SEC14L2: variants seen among roughly 807,000 people sequenced by gnomAD.
SEC14L2 encodes SEC14-like protein 2.
Under a neutral mutation model 56.9 loss-of-function variants are expected in SEC14L2, and 50 were observed. The ratio of observed to expected loss-of-function variants is 0.88; its 90% confidence interval spans 0.70 to 1.11. SEC14L2 has a LOEUF of 1.11. Among genes scored for constraint, SEC14L2 ranks in the 50% most tolerant of loss-of-function variants. SEC14L2 has a pLI of 0.00. For missense variants in SEC14L2, 414 were observed against 500.7 expected (o/e 0.83, Z 1.65); for synonymous variants, 179 against 188.5 (o/e 0.95, Z 0.41).
chr22:30,409,756 T>TG lies in SEC14L2; in HGVS notation c.580+273dup, dbSNP rs1200243765. On this transcript the variant is annotated intron_variant, in intron 7 of 11. Transcript: ENST00000615189. ...CTATAAAAAAGTTAAGGAAATGAGC[T>TG]GGGTATGGTGGTGCATGCCTGTAGT... 2.0e-5 allele frequency among the ~76,000 whole-genome samples: 3 copies of TG among 151,934 alleles called. No individual in the cohort carries two copies. In the East Asian group the frequency reaches 5.8e-4, roughly 29 times the overall value.
In SEC14L2 at chr22:30,416,020, G is replaced by A. The variant is rs985161576; in HGVS notation, c.844G>A (p.Val282Met). ...GGTGAAACAGCAGTATGAACACAGC[G>A]TGCAGATTTCCCGTGGCTCCTCCCA... ...DQVKQQYEHS[V>M]QISRGSSHQV... The change falls in exon 10 of 12, where the codon GTG becomes ATG. Residue 282 changes from valine (V) to methionine (M), a missense_variant. Transcript: ENST00000615189. 1.2e-5 allele frequency: 20 copies of A among 1,614,122 alleles called. No homozygotes were observed. Among genetic ancestry groups the A allele is most frequent in the African/African-American group, 5.3e-5 (4 of 74,932 alleles).
chr22:30,405,090 GAA>G (rs1202130559), intron 2 of SEC14L2, among the ~76,000 whole-genome samples: 1 of 151,648 alleles, frequency 6.6e-6, no homozygotes, highest in African/African-American at 2.4e-5. Context: ...GAAAAGAAAA[GAA>G]AAAGAGAGTT....
At chr22:30,413,477 C>T (rs1485191640) in intron 8 of SEC14L2, among the ~76,000 whole-genome samples, 2 of 151,898 alleles carry the variant, frequency 1.3e-5, no homozygotes, top group Non-Finnish European at 2.9e-5. Context: ...CCCAGCTACT[C>T]GGGAGGCTGA....
At chr22:30,406,158 G>C (rs1463551034) in intron 2 of SEC14L2, among the ~76,000 whole-genome samples, 184 bp from the exon 3 acceptor site, 1 of 151,954 alleles carries the variant, frequency 6.6e-6, no homozygotes, top group African/African-American at 2.4e-5. Context: ...CCTGGGGCCT[G>C]TGGTGCCCCA....
intron 11 of SEC14L2, chr22:30,421,154 G>A (rs1015867743): frequency 8.9e-6 from 1 of 112,738 alleles, no homozygotes; most frequent in Non-Finnish European, 1.8e-5. Context: ...TAGAAAACAG[G>A]ACATACACAA....
chr22:30,419,425 T>C (rs1934460972), intron 11 of SEC14L2, among the ~76,000 whole-genome samples: 2 of 152,200 alleles, frequency 1.3e-5, no homozygotes, highest in Admixed American at 1.3e-4. Context: ...TGGTGGCGCA[T>C]GCTGGTAATC....
chr22:30,403,876 G>A (rs918014699), intron 2 of SEC14L2, among the ~76,000 whole-genome samples: 6 of 151,516 alleles, frequency 4.0e-5, no homozygotes, highest in Admixed American at 2.0e-4. Context: ...GGTGGCGGGC[G>A]CCTGTAGTCC....
At chr22:30,419,275 G>A (rs1004149678) in intron 11 of SEC14L2, among the ~76,000 whole-genome samples, 2 of 152,204 alleles carry the variant, frequency 1.3e-5, no homozygotes, top group Non-Finnish European at 2.9e-5. Context: ...GTGATGGCCG[G>A]GCGTGGTGGC....
At chr22:30,418,072 A>AT (rs1223154621) in intron 11 of SEC14L2, among the ~76,000 whole-genome samples, 1 of 152,062 alleles carries the variant, frequency 6.6e-6, no homozygotes, top group Admixed American at 6.5e-5. Flanking sequence ...ATAAGCTTGA[A>AT]TTTTTTTGTC....
chr22:30,399,153 C>T (rs1933846183), intron 1 of SEC14L2, among the ~76,000 whole-genome samples: 1 of 152,024 alleles, frequency 6.6e-6, no homozygotes, highest in Non-Finnish European at 1.5e-5. Context: ...ACCTGGCACC[C>T]CCTGACAAGA....
At position 30,425,004 on chromosome 22, in the gene SEC14L2, G is replaced by A. The variant is rs918228466; in HGVS notation, c.*2597G>A. The A allele has an allele frequency of 2.7e-6, 1 of 365,688 alleles. No individual in the cohort carries two copies. The highest frequency in any genetic ancestry group is 2.1e-5 in the African/African-American group (1 of 47,144). 22.7% of individuals were successfully genotyped at this position (365,688 alleles called of 1,614,324 possible). ...GTTATACATGGCGACTGCTGAGAAG[G>A]GACTCCAGAGTCCAGGCACCTACCT... On this transcript the variant is annotated 3_prime_UTR_variant, in exon 12 of 12. Transcript: ENST00000615189.
rs1300975325 is a variant in SEC14L2, at chr22:30,397,123, G to C, written c.7G>C (p.Gly3Arg). The part of the protein sequence containing the change: MS[G>R]RVGDLSPRQK... ...TCCCCGCGGTTGAGCCACGATGAGC[G>C]GCAGAGTCGGCGATCTGAGCCCCAG... Residue 3 changes from glycine (G) to arginine (R), a missense_variant, in exon 1 of 12, where the codon GGC becomes CGC. By Grantham distance (125) the Gly-to-Arg change is moderately radical (BLOSUM62 -2). Coordinates refer to ENST00000615189, the MANE Select transcript of SEC14L2 (RefSeq NM_012429.5). 1 of 1,548,308 alleles carries C rather than the reference G, an allele frequency of 6.5e-7. No homozygotes were observed. Among genetic ancestry groups the C allele is most frequent in the Admixed American group, 2.0e-5 (1 of 50,982 alleles).
At chr22:30,404,974 G>A (rs987416028) in intron 2 of SEC14L2, among the ~76,000 whole-genome samples, 1 of 152,074 alleles carries the variant, frequency 6.6e-6, no homozygotes, top group African/African-American at 2.4e-5. Flanking sequence ...GGAGGCTGAG[G>A]CAGGAGAATT....
chr22:30,405,791 C>T (rs1934076345), intron 2 of SEC14L2, among the ~76,000 whole-genome samples: 1 of 152,188 alleles, frequency 6.6e-6, no homozygotes, highest in Non-Finnish European at 1.5e-5. Flanking sequence ...ATCCTCCCAC[C>T]TCAGCCTCCC....
At chr22:30,416,557 T>G (rs1782722447) in intron 11 of SEC14L2, 154 bp downstream of exon 11, 2 of 1,518,854 alleles carry the variant, frequency 1.3e-6, no homozygotes, top group South Asian at 1.3e-5. Flanking sequence ...TGAAGAAATC[T>G]AGCCTTGGAG....
At chr22:30,402,368 G>A (rs766630135) in intron 2 of SEC14L2, among the ~76,000 whole-genome samples, 10 of 152,232 alleles carry the variant, frequency 6.6e-5, no homozygotes, top group East Asian at 5.8e-4. Flanking sequence ...CTGAGGCAGG[G>A]GCCAGCCAGG....
At chr22:30,419,435 C>G (rs949396977) in intron 11 of SEC14L2, among the ~76,000 whole-genome samples, 11 of 152,148 alleles carry the variant, frequency 7.2e-5, no homozygotes, top group Non-Finnish European at 1.5e-5. Flanking sequence ...TGCTGGTAAT[C>G]CCAGCTACTT....
chr22:30,406,913 G>A (rs1029673665), intron 3 of SEC14L2, among the ~76,000 whole-genome samples, 182 bp from the exon 4 acceptor site: 1 of 152,074 alleles, frequency 6.6e-6, no homozygotes, highest in Non-Finnish European at 1.5e-5. Context: ...CACCACAGCT[G>A]GCTAATTTTT....
At chr22:30,411,384 C>T (rs1934241541) in intron 8 of SEC14L2, among the ~76,000 whole-genome samples, 1 of 152,142 alleles carries the variant, frequency 6.6e-6, no homozygotes, top group African/African-American at 2.4e-5. Context: ...AAACTAGGAG[C>T]AGCTTCATTT....
Sources: allele counts gnomAD v4.1 joint callset (sites outside exome capture counted in the v4.1 genomes callset), GRCh38; gene constraint gnomAD v4.1.1; transcripts MANE v1.5; gene names NCBI Gene and HGNC (gene_info 2026-07-23, HGNC 2026-07-21).